The following COL26A1 variants were observed in gnomAD, a reference collection of about 807,000 sequenced individuals.
COL26A1 encodes collagen type XXVI alpha 1 chain.
COL26A1 carries 41 observed loss-of-function variants against 59.3 expected under a neutral mutation model. The ratio of observed to expected loss-of-function variants is 0.69; its 90% CI spans 0.54 to 0.90. COL26A1 has a LOEUF of 0.90. Among genes scored for constraint, COL26A1 ranks in the 40% least tolerant of loss-of-function variants. The pLI, the probability that COL26A1 is intolerant of heterozygous loss-of-function variation, is 0.00. For missense variants in COL26A1, 612 were observed against 602.3 expected (o/e 1.02, Z -0.17); for synonymous variants, 266 against 256.0 (o/e 1.04, Z -0.37).
chr7:101,371,466 T>C (rs1791190166), intron 1 of COL26A1, among the ~76,000 whole-genome samples: 1 of 147,116 alleles, frequency 6.8e-6, no homozygotes, highest in African/African-American at 2.6e-5. Context: ...TGGGACAACA[T>C]AGCCAGACCC....
At chr7:101,385,679 T>A (rs1391574541) in intron 1 of COL26A1, among the ~76,000 whole-genome samples, 7 of 150,716 alleles carry the variant, frequency 4.6e-5, no homozygotes, top group Non-Finnish European at 1.0e-4. Context: ...CCCCATACAA[T>A]TGAAAAAAAT....
chr7:101,379,279 A>G (rs1362047500), intron 1 of COL26A1, among the ~76,000 whole-genome samples: 1 of 152,072 alleles, frequency 6.6e-6, no homozygotes. Flanking sequence ...GCGACTGATG[A>G]CAATTAGACC....
intron 1 of COL26A1, among the ~76,000 whole-genome samples, chr7:101,382,576 C>T (rs1344278620): frequency 6.6e-6 from 1 of 152,152 alleles, no homozygotes; most frequent in Non-Finnish European, 1.5e-5. Flanking sequence ...ATATCTTTAT[C>T]ATATATTTTG....
At chr7:101,395,257 C>G (rs1462343069) in intron 1 of COL26A1, among the ~76,000 whole-genome samples, 1 of 152,126 alleles carries the variant, frequency 6.6e-6, no homozygotes, top group Non-Finnish European at 1.5e-5. Context: ...AAAACCTTAT[C>G]CTGAGGAATT....
intron 3 of COL26A1, among the ~76,000 whole-genome samples, chr7:101,507,072 G>A (rs780767001): frequency 1.3e-5 from 2 of 151,950 alleles, no homozygotes; most frequent in African/African-American, 4.8e-5. Context: ...GTACCACCAC[G>A]CCTGGCTAAT....
chr7:101,511,501 C>T (rs865914482), intron 3 of COL26A1, among the ~76,000 whole-genome samples: 6 of 152,322 alleles, frequency 3.9e-5, no homozygotes, highest in South Asian at 2.1e-4. Context: ...TAAGAAAAGG[C>T]GGCTCAGAGC....
chr7:101,383,826 C>A (rs776083840), intron 1 of COL26A1, among the ~76,000 whole-genome samples: 1 of 151,550 alleles, frequency 6.6e-6, no homozygotes, highest in African/African-American at 2.4e-5. Context: ...TGAGCCACAG[C>A]GCCCTGCCTA....
At chr7:101,471,396 G>C (rs1793895022) in intron 3 of COL26A1, among the ~76,000 whole-genome samples, 1 of 152,118 alleles carries the variant, frequency 6.6e-6, no homozygotes. Flanking sequence ...ACACAGGAAA[G>C]AATTCAGGGT....
chr7:101,454,268 C>CTTTTTTTTTTTTTTTTT (rs58969139), intron 3 of COL26A1, among the ~76,000 whole-genome samples: 3 of 137,346 alleles, frequency 2.2e-5, no homozygotes, highest in Non-Finnish European at 4.6e-5. Context: ...TCTTTTCTTT[C>CTTTTTTTTTTTTTTTTT]TTTTTTTTTT....
intron 3 of COL26A1, among the ~76,000 whole-genome samples, chr7:101,493,965 T>C (rs1289625542): frequency 6.7e-6 from 1 of 149,892 alleles, no homozygotes; most frequent in Non-Finnish European, 1.5e-5. Context: ...ATGATGAGTG[T>C]GTTTCTTTCC....
chr7:101,478,005 C>T (rs535241377), intron 3 of COL26A1, among the ~76,000 whole-genome samples: 6 of 152,204 alleles, frequency 3.9e-5, no homozygotes, highest in African/African-American at 1.2e-4. Context: ...TTTTTTGAGA[C>T]GGAGTCTCGC....
At chr7:101,459,610 C>T (rs912700292) in intron 3 of COL26A1, among the ~76,000 whole-genome samples, 1 of 152,044 alleles carries the variant, frequency 6.6e-6, no homozygotes, top group Non-Finnish European at 1.5e-5. Flanking sequence ...ACCTGGCCTA[C>T]ACCTGGCCTA....
chr7:101,400,518 C>G (rs536739309), intron 1 of COL26A1, among the ~76,000 whole-genome samples: 30 of 151,356 alleles, frequency 2.0e-4, no homozygotes, highest in Admixed American at 6.6e-4. Flanking sequence ...CCCGCCACCA[C>G]TCCTGGCTAA....
intron 1 of COL26A1, among the ~76,000 whole-genome samples, chr7:101,373,406 G>A (rs914002698): frequency 2.0e-4 from 30 of 152,214 alleles, no homozygotes; most frequent in African/African-American, 7.0e-4. Flanking sequence ...CAAACATCTT[G>A]CATTTTTGTG....
At chr7:101,531,995 A>T (rs973513316) in intron 3 of COL26A1, among the ~76,000 whole-genome samples, 19 of 152,162 alleles carry the variant, frequency 1.2e-4, no homozygotes, top group African/African-American at 4.6e-4. Flanking sequence ...GCATCTGTTT[A>T]ACAGTGATGG....
Position 101,363,053 on chromosome 7 carries a change from G to A in COL26A1, c.21G>A (p.Leu7=). 4.4e-6 allele frequency: 7 copies of A among 1,582,090 alleles called. No homozygotes were observed. Among genetic ancestry groups the A allele is most frequent in the Non-Finnish European group, 4.3e-6 (5 of 1,172,920 alleles). The change falls in exon 1 of 13, where the codon CTG becomes CTA. Residue 7 remains leucine, a synonymous_variant. Coordinates refer to ENST00000313669, the MANE Select transcript of COL26A1 (RefSeq NM_001278563.3). MKLALL[L]PWACCCLCGS... ...GCACGATGAAGCTGGCCCTGCTCCTGCCCTGGGCGTGTTGCTGCCTCTGCG... is the reference window on the plus strand; with the variant it reads ...GCACGATGAAGCTGGCCCTGCTCCTACCCTGGGCGTGTTGCTGCCTCTGCG...
At chr7:101,437,021 T>C (rs1423271800) in intron 2 of COL26A1, among the ~76,000 whole-genome samples, 4 of 152,162 alleles carry the variant, frequency 2.6e-5, no homozygotes, top group Non-Finnish European at 5.9e-5. Context: ...TGAGACTGCA[T>C]CCAGGCACCC....
chr7:101,470,678 C>T (rs960935657), intron 3 of COL26A1, among the ~76,000 whole-genome samples: 2 of 152,042 alleles, frequency 1.3e-5, no homozygotes, highest in Non-Finnish European at 2.9e-5. Context: ...TGTCCCAGAA[C>T]ATTCAGGTGC....
chr7:101,489,020 G>C (rs1794328797), intron 3 of COL26A1, among the ~76,000 whole-genome samples: 1 of 152,188 alleles, frequency 6.6e-6, no homozygotes. Flanking sequence ...ATTCACAGCA[G>C]CATTCCGTGT....
Sources: gnomAD v4.1 joint callset for allele counts (sites outside exome capture counted in the v4.1 genomes callset) on GRCh38, gnomAD v4.1.1 for gene constraint, MANE v1.5 for transcripts, NCBI Gene and HGNC (gene_info 2026-07-23, HGNC 2026-07-21) for gene names.